The following OSBPL8 variants were observed in gnomAD, a reference collection of about 807,000 sequenced individuals.
OSBPL8 encodes the protein oxysterol-binding protein-related protein 8.
OSBPL8 carries 59 observed loss-of-function variants against 125.5 expected under a neutral mutation model. That is an observed-to-expected ratio of 0.47 (90% CI 0.38 to 0.58). The LOEUF is 0.58. Ranked by LOEUF, OSBPL8 falls within the 20% of genes least tolerant of loss-of-function variation. The probability of loss-of-function intolerance (pLI) is 0.00; values close to 1 mark genes in which losing one functional copy is unlikely to be tolerated. For missense variants in OSBPL8, 758 were observed against 1,047.8 expected (o/e 0.72, Z 3.82); for synonymous variants, 330 against 338.9 (o/e 0.97, Z 0.29).
intron 21 of OSBPL8, among the ~76,000 whole-genome samples, chr12:76,367,229 G>GGT (rs71311108): frequency 0.039 from 5,754 of 147,216 alleles, 127 homozygotes; most frequent in African/African-American, 0.061. Context: ...TTTGTTGATT[G>GGT]GTGTGTGTGT....
At chr12:76,492,913 G>A (rs1007145307) in intron 1 of OSBPL8, among the ~76,000 whole-genome samples, 7 of 150,266 alleles carry the variant, frequency 4.7e-5, no homozygotes, top group African/African-American at 1.5e-4. Context: ...AGGATATATA[G>A]ATATATATAG....
At chr12:76,501,365 T>C (rs1301608475) in intron 1 of OSBPL8, among the ~76,000 whole-genome samples, 1 of 146,136 alleles carries the variant, frequency 6.8e-6, no homozygotes, top group Non-Finnish European at 1.5e-5. Context: ...TAAAGGGCTA[T>C]AAAGAAGAAG....
At chr12:76,373,512 A>G in intron 17 of OSBPL8, 79 bp from the exon 18 acceptor site, 1 of 1,044,488 alleles carries the variant, frequency 9.6e-7, no homozygotes, top group Non-Finnish European at 1.4e-6. Flanking sequence ...AAAAAACCCA[A>G]CAAAAATTGC....
chr12:76,395,014 T>A (rs10745959), intron 8 of OSBPL8, among the ~76,000 whole-genome samples: 120,437 of 152,062 alleles, frequency 0.79, 47,947 homozygotes, highest in East Asian at 0.92. Flanking sequence ...TTTACCATAT[T>A]AAACCAAATT....
intron 1 of OSBPL8, among the ~76,000 whole-genome samples, chr12:76,502,539 T>A (rs1201448767): frequency 1.3e-5 from 2 of 152,176 alleles, no homozygotes; most frequent in East Asian, 3.8e-4. Context: ...TATGGGAAAG[T>A]ATGTCTGAAA....
At chr12:76,476,030 A>T (rs1280002127) in intron 2 of OSBPL8, among the ~76,000 whole-genome samples, 1 of 152,182 alleles carries the variant, frequency 6.6e-6, no homozygotes, top group Non-Finnish European at 1.5e-5. Context: ...ACAACTGAGG[A>T]GACAGTTTAT....
At chr12:76,487,021 A>ATTTTT (rs63178360) in intron 2 of OSBPL8, among the ~76,000 whole-genome samples, 10 of 101,894 alleles carry the variant, frequency 9.8e-5, no homozygotes, top group Non-Finnish European at 1.3e-4. Context: ...TGCAATTTTC[A>ATTTTT]TTTTTTTTTT....
At chr12:76,411,234 C>T (rs573116243) in intron 4 of OSBPL8, among the ~76,000 whole-genome samples, 1 of 152,200 alleles carries the variant, frequency 6.6e-6, no homozygotes, top group African/African-American at 2.4e-5. Context: ...TGCATATACT[C>T]CTGCAATCAT....
intron 1 of OSBPL8, among the ~76,000 whole-genome samples, chr12:76,535,692 A>T (rs34630160): frequency 0.2 from 31,031 of 152,208 alleles, 3,407 homozygotes; most frequent in Non-Finnish European, 0.26. Flanking sequence ...CAATACTGTA[A>T]TAGTATTCCT....
intron 4 of OSBPL8, 90 bp from the exon 5 acceptor site, chr12:76,410,724 A>C (rs772545708): frequency 1.5e-4 from 130 of 870,546 alleles, no homozygotes; most frequent in Non-Finnish European, 2.2e-4. Context: ...ATTTGATATA[A>C]ATCAGTGCAG....
chr12:76,401,101 T>C (rs1701039091), intron 6 of OSBPL8, among the ~76,000 whole-genome samples: 1 of 152,094 alleles, frequency 6.6e-6, no homozygotes, highest in Non-Finnish European at 1.5e-5. Context: ...CTCTTTTTAA[T>C]TACACAATGC....
chr12:76,499,988 T>C (rs1210225873), intron 1 of OSBPL8, among the ~76,000 whole-genome samples: 1 of 152,158 alleles, frequency 6.6e-6, no homozygotes, highest in African/African-American at 2.4e-5. Flanking sequence ...CCCTGGAAGA[T>C]TTCTTAAGAG....
intron 1 of OSBPL8, among the ~76,000 whole-genome samples, chr12:76,539,751 C>A (rs1254940744): frequency 6.6e-6 from 1 of 152,144 alleles, no homozygotes; most frequent in Non-Finnish European, 1.5e-5. Flanking sequence ...GGCTACTATC[C>A]CTAGTGCTCC....
In OSBPL8 at chr12:76,494,754, A is replaced by G. The variant is rs146938229; in HGVS notation, c.-67-7136T>C. The stretch of plus-strand genomic sequence containing the variant: ...GAAAGCAGGGCAGAGGATAACCAAA[A>G]ATTAGAAGTTTAGTTTTAGGAATAT... On this transcript the variant is annotated intron_variant, in intron 1 of 23. Transcript: ENST00000261183. Among the ~76,000 whole-genome samples the G allele has an allele frequency of 2.3e-3, 357 of 152,282 alleles. 2 individuals carry two copies. Among genetic ancestry groups the G allele is most frequent in the Middle Eastern group, 6.8e-3 (2 of 294 alleles).
chr12:76,486,082 C>T (rs1276198495), intron 2 of OSBPL8: 1 of 405,342 alleles, frequency 2.5e-6, no homozygotes, highest in Non-Finnish European at 4.9e-6. Flanking sequence ...TCTTCATAAG[C>T]CAAGAATTTC....
Position 76,392,772 on chromosome 12 carries a change from T to A in OSBPL8, c.758-20A>T, listed in dbSNP as rs1953619025. 6.4e-7 allele frequency: 1 copy of A among 1,567,974 alleles called. No individual in the cohort carries two copies. Among genetic ancestry groups the A allele is most frequent in the Non-Finnish European group, 8.7e-7 (1 of 1,149,394 alleles). On this transcript the variant is annotated intron_variant, in intron 9 of 23. Transcript: ENST00000261183. Reference sequence around the variant, plus strand: ...ACCTTCCTAAAAGAACACAGATTCATAAGCACTATAATTTTTAAAACTATG... The same window carrying A: ...ACCTTCCTAAAAGAACACAGATTCAAAAGCACTATAATTTTTAAAACTATG...
At chr12:76,493,510 A>C (rs758226241) in intron 1 of OSBPL8, among the ~76,000 whole-genome samples, 5 of 152,180 alleles carry the variant, frequency 3.3e-5, no homozygotes, top group Admixed American at 6.5e-5. Context: ...TTCTTGGTTT[A>C]CAATTTTTTT....
intron 1 of OSBPL8, among the ~76,000 whole-genome samples, chr12:76,539,182 T>C (rs748480931): frequency 6.6e-6 from 1 of 152,078 alleles, no homozygotes; most frequent in Non-Finnish European, 1.5e-5. Flanking sequence ...TATCAACTTT[T>C]TTAAAAGTAA....
intron 1 of OSBPL8, among the ~76,000 whole-genome samples, chr12:76,499,036 G>A (rs1007638218): frequency 6.6e-6 from 1 of 152,140 alleles, no homozygotes; most frequent in Non-Finnish European, 1.5e-5. Flanking sequence ...ATTTCAGTCA[G>A]TGGACTGGGA....
Sources: allele counts gnomAD v4.1 joint callset (sites outside exome capture counted in the v4.1 genomes callset), GRCh38; gene constraint gnomAD v4.1.1; transcripts MANE v1.5; gene names NCBI Gene and HGNC (gene_info 2026-07-23, HGNC 2026-07-21).